ACYP2: variants seen among roughly 807,000 people sequenced by gnomAD.
ACYP2 encodes the protein acylphosphatase-2.
Under a neutral mutation model 11.2 loss-of-function variants are expected in ACYP2, and 12 were observed. The ratio of observed to expected loss-of-function variants is 1.08; its 90% CI spans 0.69 to 1.74. The LOEUF (loss-of-function observed/expected upper bound fraction) is 1.74, where lower values mean the gene tolerates loss of function less well. ACYP2 is among the 40% of genes most tolerant of loss of function. The probability of loss-of-function intolerance (pLI) is 0.00; values close to 1 mark genes in which losing one functional copy is unlikely to be tolerated. For missense variants in ACYP2, 134 were observed against 101.9 expected (o/e 1.31, Z -1.35); for synonymous variants, 43 against 32.2 (o/e 1.33, Z -1.13).
At chr2:54,162,160 T>C (rs1480031446) in intron 6 of ACYP2, among the ~76,000 whole-genome samples, 2 of 152,162 alleles carry the variant, frequency 1.3e-5, no homozygotes, top group Non-Finnish European at 2.9e-5. Flanking sequence ...ATGGGATAAG[T>C]TTCCCATGTT....
intron 6 of ACYP2, among the ~76,000 whole-genome samples, chr2:54,224,318 G>C (rs1036594506): frequency 1.3e-5 from 2 of 152,174 alleles, no homozygotes; most frequent in African/African-American, 2.4e-5. Flanking sequence ...AACATTGAAG[G>C]GTGAGGAAGG....
intron 4 of ACYP2, among the ~76,000 whole-genome samples, chr2:54,083,850 C>T (rs576145615): frequency 6.6e-6 from 1 of 152,244 alleles, no homozygotes; most frequent in African/African-American, 2.4e-5. Context: ...CAGGGCAGAT[C>T]CAGGTTTCAG....
At chr2:54,237,909 C>G (rs1298244482) in intron 6 of ACYP2, among the ~76,000 whole-genome samples, 1 of 152,154 alleles carries the variant, frequency 6.6e-6, no homozygotes, top group Admixed American at 6.6e-5. Flanking sequence ...TGGGCCCCGG[C>G]AACCTATCTG....
rs544952093 is a variant in ACYP2 at position 54,182,224 on chromosome 2, T to A, written c.404+43476T>A. Among the ~76,000 whole-genome samples the A allele has an allele frequency of 3.2e-4, 48 of 152,024 alleles. 1 individual carries two copies. In the South Asian group the frequency reaches 9.6e-3, roughly 30 times the overall value. ...ACAGGCGCCCGCCACCACGTCAGTC[T>A]AATTTTTGTATTTTTAGTAGAGACA... On this transcript the variant is annotated intron_variant, in intron 6 of 6. Coordinates refer to ENST00000607452, the MANE Select transcript of ACYP2 (RefSeq NM_001320586.2).
chr2:54,102,228 G>A (rs1678934211), intron 4 of ACYP2, among the ~76,000 whole-genome samples: 3 of 152,308 alleles, frequency 2.0e-5, no homozygotes, highest in African/African-American at 7.2e-5. Flanking sequence ...TATTTTTAAT[G>A]TTAGGAAAAT....
At chr2:54,102,581 A>G (rs906622730) in intron 4 of ACYP2, among the ~76,000 whole-genome samples, 2 of 142,072 alleles carry the variant, frequency 1.4e-5, no homozygotes, top group African/African-American at 5.3e-5. Context: ...TTAATCCTAC[A>G]TTAATCAGAG....
intron 6 of ACYP2, among the ~76,000 whole-genome samples, chr2:54,231,669 T>C (rs1043852497): frequency 2.0e-5 from 3 of 152,218 alleles, no homozygotes; most frequent in Admixed American, 1.3e-4. Context: ...GTTGCAAATA[T>C]AGGTTTTCAA....
intron 4 of ACYP2, among the ~76,000 whole-genome samples, chr2:54,127,843 A>G (rs1003650410): frequency 6.6e-6 from 1 of 152,070 alleles, no homozygotes; most frequent in Non-Finnish European, 1.5e-5. Context: ...TGAAGTTTTC[A>G]TCATTGCCAT....
At chr2:54,018,591 T>A (rs1673822201) in intron 2 of ACYP2, among the ~76,000 whole-genome samples, 1 of 151,870 alleles carries the variant, frequency 6.6e-6, no homozygotes, top group Non-Finnish European at 1.5e-5. Flanking sequence ...GGTGGGAGAA[T>A]CAGTTGAGGT....
intron 2 of ACYP2, among the ~76,000 whole-genome samples, chr2:54,047,746 G>A (rs1329600346): frequency 6.6e-6 from 1 of 152,190 alleles, no homozygotes; most frequent in African/African-American, 2.4e-5. Flanking sequence ...TTCTGAAGTT[G>A]AGAACAAATT....
chr2:54,086,210 G>A (rs1397660400), intron 4 of ACYP2, among the ~76,000 whole-genome samples: 2 of 152,144 alleles, frequency 1.3e-5, no homozygotes, highest in Non-Finnish European at 2.9e-5. Flanking sequence ...CTCCCAAAGT[G>A]CTAGGATTAT....
chr2:53,979,528 G>A (rs141086287), intron 2 of ACYP2, among the ~76,000 whole-genome samples: 4 of 151,794 alleles, frequency 2.6e-5, no homozygotes, highest in Admixed American at 6.6e-5. Context: ...TGTGGAGGCT[G>A]AGGCAGGAGA....
chr2:54,137,225 T>G lies in ACYP2; in HGVS notation c.295-1414T>G, dbSNP rs550456502. 4.6e-5 allele frequency among the ~76,000 whole-genome samples: 7 copies of G among 151,828 alleles called. No individual in the cohort carries two copies. The South Asian group carries it at 1.2e-3, about 27-fold the overall frequency. On this transcript the variant is annotated intron_variant, in intron 5 of 6. Transcript: ENST00000607452. ...GAATCTTTTAGTCTTATAAAAACTC[T>G]GCAAACCAGCATGTTTATGTTAGTG...
chr2:54,207,795 C>G (rs548305719), intron 6 of ACYP2, among the ~76,000 whole-genome samples: 1 of 152,134 alleles, frequency 6.6e-6, no homozygotes, highest in South Asian at 2.1e-4. Flanking sequence ...TTTTCCAGAA[C>G]ATTTTTTGAG....
chr2:54,191,393 C>T (rs1684232374), intron 6 of ACYP2, among the ~76,000 whole-genome samples: 1 of 152,172 alleles, frequency 6.6e-6, no homozygotes, highest in Admixed American at 6.5e-5. Context: ...AATGCTGCCT[C>T]AGGGTGGCAC....
At chr2:53,979,755 G>C (rs1671662875) in intron 2 of ACYP2, among the ~76,000 whole-genome samples, 1 of 151,966 alleles carries the variant, frequency 6.6e-6, no homozygotes, top group Non-Finnish European at 1.5e-5. Context: ...AGGCTAGAGT[G>C]CAGTGGCGTG....
intron 3 of ACYP2, among the ~76,000 whole-genome samples, chr2:54,055,130 G>A (rs1365053181): frequency 1.1e-4 from 17 of 151,996 alleles, no homozygotes; most frequent in Admixed American, 6.6e-4. Flanking sequence ...TCCACCTCCC[G>A]GGTTCAAGCA....
At position 54,111,084 on chromosome 2, in the gene ACYP2, C is replaced by T. The variant is rs189382607; in HGVS notation, c.278-24369C>T. 1.7e-4 allele frequency among the ~76,000 whole-genome samples: 26 copies of T among 151,970 alleles called. No homozygotes were observed. The East Asian group carries it at 4.6e-3, about 27-fold the overall frequency. On this transcript the variant is annotated intron_variant, in intron 4 of 6. Transcript: ENST00000607452. Reference sequence around the variant, plus strand: ...CTTCTTGCTGGGGGCTAGTCTCTTTCAGCAGAAAGAGGTTGGAGGTGTAGC... The same window carrying T: ...CTTCTTGCTGGGGGCTAGTCTCTTTTAGCAGAAAGAGGTTGGAGGTGTAGC...
chr2:54,266,041 C>A (rs1373084013), intron 6 of ACYP2, among the ~76,000 whole-genome samples: 1 of 152,134 alleles, frequency 6.6e-6, no homozygotes, highest in Non-Finnish European at 1.5e-5. Context: ...AGAGTGTGAG[C>A]AGCATGTTCT....
Sources: gnomAD v4.1 joint callset for allele counts (sites outside exome capture counted in the v4.1 genomes callset) on GRCh38, gnomAD v4.1.1 for gene constraint, MANE v1.5 for transcripts, NCBI Gene and HGNC (gene_info 2026-07-23, HGNC 2026-07-21) for gene names.